Variants in EPHB2 observed in about 807,000 individuals in gnomAD.
EPHB2 encodes ephrin type-B receptor 2.
EPHB2 carries 18 observed loss-of-function variants against 96.4 expected under a neutral mutation model. The observed-to-expected ratio is 0.19, with a 90% CI of 0.13 to 0.28. The LOEUF is 0.28. Ranked by LOEUF, EPHB2 falls within the 10% of genes least tolerant of loss-of-function variation. The pLI, the probability that EPHB2 is intolerant of heterozygous loss-of-function variation, is 1.00. For missense variants in EPHB2, 989 were observed against 1,355.4 expected (o/e 0.73, Z 4.25); for synonymous variants, 506 against 534.1 (o/e 0.95, Z 0.72).
chr1:22,898,632 G>A (rs550156148), intron 9 of EPHB2, among the ~76,000 whole-genome samples: 3 of 152,296 alleles, frequency 2.0e-5, no homozygotes, highest in South Asian at 2.1e-4. Flanking sequence ...CGGCCTTGGC[G>A]GGACTTCTCT....
intron 5 of EPHB2, among the ~76,000 whole-genome samples, chr1:22,878,651 G>C (rs1351267976): frequency 6.6e-6 from 1 of 152,194 alleles, no homozygotes; most frequent in Non-Finnish European, 1.5e-5. Flanking sequence ...CTACTTGATA[G>C]GTGTGAAAAC....
rs568729680 is a variant in EPHB2 at position 22,722,187 on chromosome 1, G to A, written c.61+11144G>A. On this transcript the variant is annotated intron_variant, in intron 1 of 15. Transcript: ENST00000374630. ...TTTTTTTTTCTTTTTGGTAGAGACGGAGTCTTGCCATGTTGGCCAGGCTGG... is the reference window on the plus strand; with the variant it reads ...TTTTTTTTTCTTTTTGGTAGAGACGAAGTCTTGCCATGTTGGCCAGGCTGG... Among the ~76,000 whole-genome samples the A allele has an allele frequency of 1.6e-4, 24 of 152,132 alleles. No homozygotes were observed. In the South Asian group the frequency reaches 4.8e-3, roughly 30 times the overall value.
rs554937771 is a variant in EPHB2, at chr1:22,865,284, A to G, written c.1303+72A>G. 322 of 1,538,816 alleles carry G rather than the reference A, an allele frequency of 2.1e-4. 1 individual carries two copies. In the Admixed American group the frequency reaches 5.3e-3, roughly 25 times the overall value. On this transcript the variant is annotated intron_variant, in intron 5 of 15. Transcript: ENST00000374630. The stretch of plus-strand genomic sequence containing the variant: ...CCAGGGAGGGTCCTGCAGTCCTCAC[A>G]AAAGACTCCTTCACATCTATGGAGT...
intron 3 of EPHB2, among the ~76,000 whole-genome samples, chr1:22,828,247 C>T (rs777157735): frequency 1.3e-5 from 2 of 152,124 alleles, no homozygotes; most frequent in South Asian, 2.1e-4. Context: ...TCAGGGACTG[C>T]AGTGTGGGGT....
rs559991803 is a variant in EPHB2 at position 22,875,663 on chromosome 1, G to C, written c.1304-6696G>C. The stretch of plus-strand genomic sequence containing the variant: ...CCCTTCCTTCCTCCTTCCTGTCTTC[G>C]TTTCTTCCTCCAGTAAATATTGGTC... On this transcript the variant is annotated intron_variant, in intron 5 of 15. Coordinates refer to ENST00000374630, the MANE Select transcript of EPHB2 (RefSeq NM_017449.5). This position sits in a 1 kb window ranked among gnomAD's most constrained non-coding sequence, Gnocchi z 4.2. Among the ~76,000 whole-genome samples the C allele has an allele frequency of 2.5e-4, 38 of 151,424 alleles. No homozygotes were observed. The highest frequency in any genetic ancestry group is 1.7e-3 in the Admixed American group (26 of 15,218).
At chr1:22,762,354 C>CT (rs1220724757) in intron 1 of EPHB2, among the ~76,000 whole-genome samples, 1 of 152,208 alleles carries the variant, frequency 6.6e-6, no homozygotes, top group East Asian at 1.9e-4. Context: ...GCTGGAACCT[C>CT]TACCCACTAA....
chr1:22,840,248 C>CA lies in EPHB2; in HGVS notation c.812-22783dup, dbSNP rs377064494. On this transcript the variant is annotated intron_variant, in intron 3 of 15. Coordinates refer to ENST00000374630, the MANE Select transcript of EPHB2 (RefSeq NM_017449.5). ...AGCCTCTAGCGTGGTGTGTGGCATT[C>CA]AAAAAATAATATTTATTGAAGGAAT... Among the ~76,000 whole-genome samples, 896 of 152,112 alleles carry CA rather than the reference C, an allele frequency of 5.9e-3. 5 individuals are homozygous for CA. The highest frequency in any genetic ancestry group is 0.011 in the Admixed American group (163 of 15,276).
intron 9 of EPHB2, among the ~76,000 whole-genome samples, chr1:22,902,348 A>G (rs966188412): frequency 1.3e-5 from 2 of 152,212 alleles, no homozygotes; most frequent in South Asian, 2.1e-4. Context: ...CAGTAAATCT[A>G]CGCTGAATGT....
Position 22,909,143 on chromosome 1 carries a change from G to A in EPHB2, c.2474G>A (p.Arg825Gln), listed in dbSNP as rs758794865. ...VMWEVMSYGE[R>Q]PYWDMTNQDV... ...TGGGAGGTGATGTCCTATGGGGAGC[G>A]GCCCTACTGGGACATGACCAACCAG... is the stretch of plus-strand genomic sequence containing the variant. Residue 825 changes from arginine to glutamine, a missense_variant, in exon 13 of 16, where the codon CGG (arginine) becomes CAG (glutamine). By Grantham distance (43) the Arg-to-Gln change is conservative. Coordinates refer to ENST00000374630, the MANE Select transcript of EPHB2 (RefSeq NM_017449.5). 9.9e-6 allele frequency: 16 copies of A among 1,614,170 alleles called. No homozygotes were observed. Among genetic ancestry groups the A allele is most frequent in the East Asian group, 6.7e-5 (3 of 44,876 alleles).
Position 22,893,857 on chromosome 1 carries a change from CA to C in EPHB2, c.1591+812del, listed in dbSNP as rs1639469217. 2.0e-5 allele frequency among the ~76,000 whole-genome samples: 3 copies of C among 152,300 alleles called. No homozygotes were observed. In the South Asian group the frequency reaches 6.2e-4, roughly 32 times the overall value. Reference sequence around the variant, plus strand: ...AGATTGTAGATAAGTCATAGTTTGTCATTGCTGTGTGTCTGGAATCCCTTTT... The same window carrying C: ...AGATTGTAGATAAGTCATAGTTTGTCTTGCTGTGTGTCTGGAATCCCTTTT... On this transcript the variant is annotated intron_variant, in intron 7 of 15. Coordinates refer to ENST00000374630, the MANE Select transcript of EPHB2 (RefSeq NM_017449.5).
chr1:22,745,745 T>TG (rs1643965002), intron 1 of EPHB2, among the ~76,000 whole-genome samples: 1 of 150,078 alleles, frequency 6.7e-6, no homozygotes, highest in South Asian at 2.2e-4. Context: ...GGTGGGCGCT[T>TG]GGCAATGGGG....
intron 5 of EPHB2, among the ~76,000 whole-genome samples, chr1:22,874,782 AG>A (rs1201430648): frequency 6.6e-6 from 1 of 152,206 alleles, no homozygotes; most frequent in Non-Finnish European, 1.5e-5. Flanking sequence ...CTCAAGTTCA[AG>A]GAAAAAATAA....
At chr1:22,864,219 G>A (rs1048759416) in intron 4 of EPHB2, among the ~76,000 whole-genome samples, 1 of 152,000 alleles carries the variant, frequency 6.6e-6, no homozygotes, top group Admixed American at 6.6e-5. Flanking sequence ...CTAATTTTTT[G>A]TATTTTTAGT....
intron 9 of EPHB2, among the ~76,000 whole-genome samples, chr1:22,899,420 G>A (rs1639678076): frequency 1.3e-5 from 2 of 151,716 alleles, no homozygotes; most frequent in African/African-American, 4.8e-5. Flanking sequence ...AGAATCCCTT[G>A]AACCCGGGAG....
chr1:22,823,698 A>G (rs1035403342), intron 3 of EPHB2, among the ~76,000 whole-genome samples: 14 of 152,228 alleles, frequency 9.2e-5, no homozygotes, highest in African/African-American at 3.4e-4. Flanking sequence ...AAGTAACTTC[A>G]CCTCTTTCAA....
At position 22,906,665 on chromosome 1, in the gene EPHB2, C is replaced by CAA. The variant is rs751595649; in HGVS notation, c.1889-44_1889-43insAA. Reference sequence around the variant, plus strand: ...ACAGGGAACAGGAAGGTGGCCCTTCCACCTGGCAAGTGACATCCTGTCTGT... The same window carrying CAA: ...ACAGGGAACAGGAAGGTGGCCCTTCCAAACCTGGCAAGTGACATCCTGTCTGT... On this transcript the variant is annotated intron_variant, in intron 10 of 15. Coordinates refer to ENST00000374630, the MANE Select transcript of EPHB2 (RefSeq NM_017449.5). This position sits in a 1 kb window ranked among gnomAD's most constrained non-coding sequence, Gnocchi z 4.8. 6.2e-7 allele frequency: 1 copy of CAA among 1,613,166 alleles called. No homozygotes were observed. The highest frequency in any genetic ancestry group is 8.5e-7 in the Non-Finnish European group (1 of 1,179,812).
intron 14 of EPHB2, among the ~76,000 whole-genome samples, chr1:22,910,918 G>A (rs932213592): frequency 2.6e-5 from 4 of 152,068 alleles, no homozygotes; most frequent in African/African-American, 7.2e-5. Flanking sequence ...TGGGTGGATC[G>A]CCTGAGGACA....
intron 3 of EPHB2, among the ~76,000 whole-genome samples, chr1:22,837,125 G>A (rs955188747): frequency 2.6e-5 from 4 of 152,208 alleles, no homozygotes; most frequent in Non-Finnish European, 4.4e-5. Flanking sequence ...GATCAGCAAC[G>A]TCAGGGATGG....
chr1:22,823,143 T>C (rs1213502809), intron 3 of EPHB2, among the ~76,000 whole-genome samples: 2 of 152,160 alleles, frequency 1.3e-5, no homozygotes, highest in East Asian at 3.8e-4. Flanking sequence ...CAGGCTCCAG[T>C]CATCCCAGAT....
Sources: gnomAD v4.1 joint callset for allele counts (sites outside exome capture counted in the v4.1 genomes callset) on GRCh38, gnomAD v4.1.1 for gene constraint, Gnocchi (gnomAD v3.1) non-coding constraint, MANE v1.5 for transcripts, NCBI Gene and HGNC (gene_info 2026-07-23, HGNC 2026-07-21) for gene names.